ZDHHC6: variants seen among roughly 807,000 people sequenced by gnomAD.
ZDHHC6 encodes the protein palmitoyltransferase ZDHHC6.
A neutral mutation model predicts 57.8 loss-of-function variants in ZDHHC6; 32 were observed. The ratio of observed to expected loss-of-function variants is 0.55; its 90% CI spans 0.42 to 0.74. The LOEUF is 0.74. ZDHHC6 is among the 30% of genes least tolerant of loss of function. The pLI is 0.00. For missense variants in ZDHHC6, 433 were observed against 500.7 expected (o/e 0.86, Z 1.29); for synonymous variants, 128 against 158.0 (o/e 0.81, Z 1.42).
upstream of ZDHHC6, chr10:112,447,364 C>T: frequency 6.2e-7 from 1 of 1,612,234 alleles, no homozygotes; most frequent in East Asian, 2.2e-5. Flanking sequence ...CTACTCGTTC[C>T]GGAGCCGCCA....
At chr10:112,437,169 C>T (rs541121620) in intron 6 of ZDHHC6, among the ~76,000 whole-genome samples, 18 of 152,050 alleles carry the variant, frequency 1.2e-4, no homozygotes, top group Admixed American at 2.0e-4. Flanking sequence ...GTATCTACCA[C>T]TGTGAGCCTG....
intron 6 of ZDHHC6, among the ~76,000 whole-genome samples, chr10:112,436,575 T>G (rs1281836185): frequency 6.6e-6 from 1 of 152,272 alleles, no homozygotes; most frequent in Non-Finnish European, 1.5e-5. Context: ...GCATGCTTTA[T>G]AGATCACTTT....
rs2290964 is a variant in ZDHHC6 at position 112,430,534 on chromosome 10, C to T, written c.*270G>A. ...AGAGTGTGCAGTGCATAAGAAAATC[C>T]TACAGAAAATGCCGTTAACTTACTT... is the stretch of plus-strand genomic sequence containing the variant. On this transcript the variant is annotated 3_prime_UTR_variant, in exon 11 of 11. Coordinates refer to ENST00000369405, the MANE Select transcript of ZDHHC6 (RefSeq NM_022494.3). 6.5e-5 allele frequency: 20 copies of T among 309,128 alleles called. No homozygotes were observed. The East Asian group carries it at 1.3e-3, about 20-fold the overall frequency. 19.1% of individuals were successfully genotyped at this position (309,128 alleles called of 1,614,324 possible).
At position 112,445,495 on chromosome 10, in the gene ZDHHC6, C is replaced by T. The variant is rs746978695; in HGVS notation, c.-59G>A. The T allele has an allele frequency of 4.4e-5, 68 of 1,555,160 alleles. No homozygotes were observed. Among genetic ancestry groups the T allele is most frequent in the Middle Eastern group, 2.1e-4 (1 of 4,700 alleles). On this transcript the variant is annotated 5_prime_UTR_variant, in exon 2 of 11. Coordinates refer to ENST00000369405, the MANE Select transcript of ZDHHC6 (RefSeq NM_022494.3). ...GAATTATAGATTTCCTTTTTCTGTG[C>T]GCACATTTCCATGTGCCACAAGTCC...
chr10:112,431,514 A>C (rs756905430), intron 10 of ZDHHC6, among the ~76,000 whole-genome samples: 1 of 152,008 alleles, frequency 6.6e-6, no homozygotes, highest in African/African-American at 2.4e-5. Context: ...GGGTTTCACC[A>C]TGTTGGCCAG....
Position 112,442,361 on chromosome 10 carries a change from A to G in ZDHHC6, c.360-10T>C, listed in dbSNP as rs1420454494. ...CATCTTCATCACACATCTAACAAGA[A>G]AAATTTACATAAAACATGAGGCAGA... is the stretch of plus-strand genomic sequence containing the variant. On this transcript the variant is annotated splice_polypyrimidine_tract_variant and intron_variant, in intron 3 of 10. Transcript: ENST00000369405. 1 of 1,598,752 alleles carries G rather than the reference A, an allele frequency of 6.3e-7. No homozygotes were observed. The highest frequency in any genetic ancestry group is 8.5e-7 in the Non-Finnish European group (1 of 1,175,016).
Position 112,438,017 on chromosome 10 carries a change from T to C in ZDHHC6, c.735+319A>G, listed in dbSNP as rs57228295. On this transcript the variant is annotated intron_variant, in intron 6 of 10. Coordinates refer to ENST00000369405, the MANE Select transcript of ZDHHC6 (RefSeq NM_022494.3). ...GCAGTTTGGTAGGGTGGAAGCTCCT[T>C]TCCAAATGGGCTGCTTTCTCCTCTA... Among the ~76,000 whole-genome samples the C allele has an allele frequency of 9.2e-3, 1,397 of 152,292 alleles. 24 individuals are homozygous for C. Among genetic ancestry groups the C allele is most frequent in the African/African-American group, 0.032 (1,326 of 41,568 alleles).
At chr10:112,434,008 T>C (rs779114001) in intron 7 of ZDHHC6, among the ~76,000 whole-genome samples, 1 of 152,098 alleles carries the variant, frequency 6.6e-6, no homozygotes, top group Non-Finnish European at 1.5e-5. Context: ...GACAGGAATG[T>C]ATAAGGAATT....
At chr10:112,435,368 C>A (rs566675548) in intron 6 of ZDHHC6, among the ~76,000 whole-genome samples, 1 of 152,056 alleles carries the variant, frequency 6.6e-6, no homozygotes. Context: ...CAATAAAGTG[C>A]CCGTTCTGAA....
Position 112,444,394 on chromosome 10 carries a change from C to T in ZDHHC6, c.267+776G>A, listed in dbSNP as rs143125515. 3.4e-3 allele frequency among the ~76,000 whole-genome samples: 519 copies of T among 152,320 alleles called. 14 individuals are homozygous for T. In the East Asian group the frequency reaches 0.047, roughly 14 times the overall value. On this transcript the variant is annotated intron_variant, in intron 2 of 10. Transcript: ENST00000369405. ...CTTTAACAGCACCCATCACGTTCTACTTTATAGTTTAGTGATTTGCACAAG... is the reference window on the plus strand; with the variant it reads ...CTTTAACAGCACCCATCACGTTCTATTTTATAGTTTAGTGATTTGCACAAG...
chr10:112,427,492 G>C, downstream of ZDHHC6: 3 of 781,012 alleles, frequency 3.8e-6, no homozygotes, highest in Non-Finnish European at 5.7e-6. Flanking sequence ...CATAGCTTTT[G>C]TTTTATATTG....
At position 112,430,827 on chromosome 10, in the gene ZDHHC6, C is replaced by T. The variant is rs369541274; in HGVS notation, c.1219G>A (p.Glu407Lys). Residue 407 changes from glutamate (E) to lysine (K), a missense_variant, in exon 11 of 11, where the codon GAG (glutamate) becomes AAG (lysine). By Grantham distance (56) the Glu-to-Lys change is moderately conservative. Transcript: ENST00000369405. ...PCDAETDQAP[E>K]GEKKNR ...AGCTATCTATTTTTCTTCTCCCCCT[C>T]TGGGGCTTGATCTGTTTCAGCATCA... 1.5e-5 allele frequency: 24 copies of T among 1,613,396 alleles called. No individual in the cohort carries two copies. Among genetic ancestry groups the T allele is most frequent in the Non-Finnish European group, 1.9e-5 (22 of 1,179,740 alleles).
Position 112,445,348 on chromosome 10 carries a change from A to G in ZDHHC6, c.89T>C (p.Val30Ala). The part of the protein sequence containing the change: ...CHWGPIIALG[V>A]IAICSTMAMI... ...GGCCATGGTAGAACATATTGCTATA[A>G]CACCAAGGGCTATGATGGGACCCCA... Residue 30 changes from valine (V) to alanine (A), a missense_variant, in exon 2 of 11, where the codon GTT becomes GCT. By Grantham distance (64) the Val-to-Ala change is moderately conservative. Coordinates refer to ENST00000369405, the MANE Select transcript of ZDHHC6 (RefSeq NM_022494.3). The G allele has an allele frequency of 6.2e-7, 1 of 1,614,260 alleles. No homozygotes were observed. The highest frequency in any genetic ancestry group is 8.5e-7 in the Non-Finnish European group (1 of 1,180,050).
In ZDHHC6 at chr10:112,439,669, A is replaced by AAT. The variant is rs757796332; in HGVS notation, c.681+864_681+865insAT. On this transcript the variant is annotated intron_variant, in intron 5 of 10. Transcript: ENST00000369405. ...AAAAAAAAAAAAAAAAAAAAAAAAA[A>AAT]GAATGAAAAAGAATGGTTTTTGGTC... Among the ~76,000 whole-genome samples, 88 of 108,602 alleles carry AAT rather than the reference A, an allele frequency of 8.1e-4. 15 individuals carry two copies. Among genetic ancestry groups the AAT allele is most frequent in the Admixed American group, 1.2e-3 (10 of 8,550 alleles). The allele number at this position is 108,602 out of a possible 152,430, so 71.2% of individuals were successfully genotyped here.
intron 1 of ZDHHC6, 82 bp downstream of exon 1, chr10:112,446,623 C>CA (rs1846772801): frequency 6.6e-6 from 1 of 152,400 alleles, no homozygotes; most frequent in Non-Finnish European, 1.5e-5. Context: ...AGGTTGGTCT[C>CA]AACATTCAGG....
At chr10:112,429,724 T>G (rs79869277), downstream of ZDHHC6, among the ~76,000 whole-genome samples, 8,066 of 152,310 alleles carry the variant, frequency 0.053, 305 homozygotes, top group South Asian at 0.083. Context: ...CATGAGTAGT[T>G]TGATATCACT....
downstream of ZDHHC6, chr10:112,426,385 T>C: frequency 1.9e-6 from 3 of 1,589,466 alleles, no homozygotes; most frequent in Non-Finnish European, 2.6e-6. Flanking sequence ...GAAAGCTTTA[T>C]GCACACCCAT....
chr10:112,426,909 T>G, downstream of ZDHHC6: 1 of 1,454,998 alleles, frequency 6.9e-7, no homozygotes, highest in Non-Finnish European at 9.6e-7. Context: ...AAAGTTTTGT[T>G]TAAAGTTTCC....
chr10:112,432,143 T>C (rs1253883759), intron 10 of ZDHHC6, 97 bp downstream of exon 10: 3 of 1,188,852 alleles, frequency 2.5e-6, no homozygotes, highest in Admixed American at 2.7e-5. Context: ...GTTCCCCTAA[T>C]GCATTAGGCA....
Sources: allele counts gnomAD v4.1 joint callset (sites outside exome capture counted in the v4.1 genomes callset), GRCh38; gene constraint gnomAD v4.1.1; transcripts MANE v1.5; gene names NCBI Gene and HGNC (gene_info 2026-07-23, HGNC 2026-07-21).